Variants in PLXND1 observed in about 807,000 individuals in gnomAD.
The protein encoded by PLXND1 is plexin-D1.
In PLXND1, 54 loss-of-function variants were observed where a neutral mutation model predicts 197.7. The observed-to-expected ratio is 0.27, with a 90% CI of 0.22 to 0.34. The LOEUF is 0.34. Ranked by LOEUF, PLXND1 falls within the 10% of genes least tolerant of loss-of-function variation. The probability of loss-of-function intolerance (pLI) is 1.00; values close to 1 mark genes in which losing one functional copy is unlikely to be tolerated. For synonymous variants in PLXND1, 1,180 were observed against 1,161.2 expected, an observed-to-expected ratio of 1.02 and a Z score of -0.33; for missense variants, 2,127 against 2,699.2, an observed-to-expected ratio of 0.79 and a Z score of 4.70.
intron 20 of PLXND1, 130 bp from the exon 21 acceptor site, chr3:129,567,935 T>G: frequency 1.4e-5 from 3 of 220,436 alleles, no homozygotes; most frequent in Non-Finnish European, 2.7e-5. Context: ...CAGTCCTCCC[T>G]CCTGGGCAGG....
rs1488778468 is a variant in PLXND1, at chr3:129,566,173, A to T, written c.4192-156T>A. On this transcript the variant is annotated intron_variant, in intron 23 of 35. Coordinates refer to ENST00000324093, the MANE Select transcript of PLXND1 (RefSeq NM_015103.3). ...CTCCTAACCTTTGTGACAGGGAACA[A>T]TAGCTTGGTTGAATTGAAAAGTGGG... 1.8e-5 allele frequency: 13 copies of T among 717,934 alleles called. No individual in the cohort carries two copies. The East Asian group carries it at 3.5e-4, about 20-fold the overall frequency. The allele number at this position is 717,934 out of a possible 1,614,324, so 44.5% of individuals were successfully genotyped here.
Position 129,586,671 on chromosome 3 carries a change from C to G in PLXND1, c.1537G>C (p.Val513Leu), listed in dbSNP as rs1362049460. Reference protein sequence around the residue: ...MQVVSRRVVTVAYGEPVHHVM... With the variant: ...MQVVSRRVVTLAYGEPVHHVM... The stretch of plus-strand genomic sequence containing the variant: ...TGGTGCACGGGCTCCCCATAGGCCA[C>G]AGTCACCACCCGCCTGCTCACCACC... The change falls in exon 3 of 36, where the codon GTG (valine) becomes CTG (leucine). Residue 513 changes from valine to leucine, a missense_variant. Val to Leu is a conservative substitution (Grantham distance 32). This residue lies in a region of PLXND1 where 1,095 missense variants were observed against 1,259.8 expected (regional missense o/e 0.87). Coordinates refer to ENST00000324093, the MANE Select transcript of PLXND1 (RefSeq NM_015103.3). 2 of 1,591,232 alleles carry G rather than the reference C, an allele frequency of 1.3e-6. No homozygotes were observed. Among genetic ancestry groups the G allele is most frequent in the Non-Finnish European group, 1.7e-6 (2 of 1,168,382 alleles).
intron 20 of PLXND1, 123 bp downstream of exon 20, chr3:129,569,720 C>T (rs2085194912): frequency 1.5e-6 from 1 of 658,802 alleles, no homozygotes; most frequent in South Asian, 1.7e-5. Context: ...GTTCCCATGG[C>T]CAAGCCTTTG....
At position 129,586,617 on chromosome 3, in the gene PLXND1, C is replaced by T. The variant is rs2301572; in HGVS notation, c.1591G>A (p.Gly531Ser). ...HVMQFDPADS[G>S]YLYLMTSHQM... ...TGGGACGTCATCAGGTAAAGGTAACCGGAGTCTGCTGGGTCAAACTGCATG... is the reference window on the plus strand; with the variant it reads ...TGGGACGTCATCAGGTAAAGGTAACTGGAGTCTGCTGGGTCAAACTGCATG... The change falls in exon 3 of 36, where the codon GGT becomes AGT. Residue 531 changes from glycine to serine, a missense_variant. Physicochemically the swap from Gly to Ser is moderately conservative, Grantham distance 56. Coordinates refer to ENST00000324093, the MANE Select transcript of PLXND1 (RefSeq NM_015103.3). 0.042 allele frequency: 65,334 copies of T among 1,573,692 alleles called. 2,174 individuals carry two copies. Among genetic ancestry groups the T allele is most frequent in the East Asian group, 0.12 (5,240 of 43,404 alleles).
At chr3:129,559,343 G>T in intron 32 of PLXND1, 6 of 353,816 alleles carry the variant, frequency 1.7e-5, no homozygotes, top group South Asian at 1.5e-4. Flanking sequence ...GTGCCCACCT[G>T]AGAGGGGTGC....
chr3:129,558,706 T>C lies in PLXND1; in HGVS notation c.5298-131A>G. 1.1e-6 allele frequency: 1 copy of C among 877,568 alleles called. No homozygotes were observed. The highest frequency in any genetic ancestry group is 1.7e-6 in the Non-Finnish European group (1 of 575,510). 54.4% of individuals were successfully genotyped at this position (877,568 alleles called of 1,614,324 possible). ...TGGAGCCTTGTCACAAGATGTGACC[T>C]TTGGGAACCTTAGTTTGCCTATCCC... On this transcript the variant is annotated intron_variant, in intron 32 of 35. Transcript: ENST00000324093. The surrounding 1 kb of genome is among the most constrained non-coding windows in gnomAD (Gnocchi z 4.1).
At chr3:129,573,289 T>C (rs943646452) in intron 13 of PLXND1, among the ~76,000 whole-genome samples, 1 of 151,992 alleles carries the variant, frequency 6.6e-6, no homozygotes, top group Non-Finnish European at 1.5e-5. Context: ...CCAGCCTTTT[T>C]AATTGCAAAT....
chr3:129,583,129 G>C (rs2085408589), intron 8 of PLXND1, among the ~76,000 whole-genome samples: 1 of 152,234 alleles, frequency 6.6e-6, no homozygotes, highest in South Asian at 2.1e-4. Context: ...TACTGCCTGA[G>C]TCGATGACCT....
chr3:129,604,915 T>C (rs2085761218), intron 1 of PLXND1, among the ~76,000 whole-genome samples: 1 of 152,194 alleles, frequency 6.6e-6, no homozygotes, highest in South Asian at 2.1e-4. Flanking sequence ...CAACGTGCAA[T>C]GGTAACTCTG....
chr3:129,567,700 T>G lies in PLXND1; in HGVS notation c.3971A>C (p.Lys1324Thr). Reference protein sequence around the residue: ...MESQIREEIRKGFAELQTDMT... With the variant: ...MESQIREEIRTGFAELQTDMT... ...CCTGCAGGGTCCCCGCCCACTACCT[T>G]TGCGGATTTCCTCTCGGATCTGAGA... Residue 1324 changes from lysine (K) to threonine (T), a missense_variant and splice_region_variant, in exon 21 of 36, where the codon AAA (lysine) becomes ACA (threonine). Around this residue, in one of 6 missense-constraint regions of PLXND1, gnomAD observed 532 missense variants for 811.0 expected, o/e 0.66. Transcript: ENST00000324093. The G allele has an allele frequency of 1.9e-6, 3 of 1,603,710 alleles. No homozygotes were observed. Among genetic ancestry groups the G allele is most frequent in the Non-Finnish European group, 2.6e-6 (3 of 1,170,604 alleles).
At chr3:129,590,904 G>A (rs932017686) in intron 1 of PLXND1, among the ~76,000 whole-genome samples, 2 of 152,240 alleles carry the variant, frequency 1.3e-5, no homozygotes, top group Non-Finnish European at 2.9e-5. Flanking sequence ...GTCACCGGAA[G>A]GCAGCATTGG....
At chr3:129,561,383 C>T (rs1237602937) in intron 29 of PLXND1, among the ~76,000 whole-genome samples, 1 of 152,216 alleles carries the variant, frequency 6.6e-6, no homozygotes, top group Non-Finnish European at 1.5e-5. Context: ...GGCCTGGCTG[C>T]TGCCCAGACC....
In PLXND1 at chr3:129,556,123, A is replaced by G; in HGVS notation, c.*189T>C. ...CTGATCTGGGGACAGGTGGGAGGGG[A>G]TGGAGGTGCCCAGGGGTCAAGGCGG... On this transcript the variant is annotated 3_prime_UTR_variant, in exon 36 of 36. Coordinates refer to ENST00000324093, the MANE Select transcript of PLXND1 (RefSeq NM_015103.3). 1.7e-6 allele frequency: 1 copy of G among 580,194 alleles called. No individual in the cohort carries two copies. Among genetic ancestry groups the G allele is most frequent in the Non-Finnish European group, 3.1e-6 (1 of 323,242 alleles). The allele number at this position is 580,194 out of a possible 1,614,324, so 35.9% of individuals were successfully genotyped here.
At chr3:129,592,043 C>T (rs892206000) in intron 1 of PLXND1, among the ~76,000 whole-genome samples, 6 of 152,214 alleles carry the variant, frequency 3.9e-5, no homozygotes. Context: ...TCAAATATCA[C>T]AAGCTCGTTC....
intron 23 of PLXND1, 143 bp downstream of exon 23, chr3:129,566,384 G>C: frequency 1.5e-6 from 1 of 654,984 alleles, no homozygotes; most frequent in Non-Finnish European, 2.8e-6. Flanking sequence ...TCCTGGGATG[G>C]AGGGCTCAGT....
chr3:129,560,233 GCCGCGGGTGCACAGCTGGCC>G (rs2085037105), intron 31 of PLXND1, 77 bp downstream of exon 31: 6 of 759,418 alleles, frequency 7.9e-6, no homozygotes. Flanking sequence ...CCCTCTCCCA[GCCGCGGGTGCACAGCTGGCC>G]CTGAGCAATG....
At chr3:129,574,028 A>G (rs916651318) in intron 12 of PLXND1, among the ~76,000 whole-genome samples, 1 of 152,168 alleles carries the variant, frequency 6.6e-6, no homozygotes, top group Non-Finnish European at 1.5e-5. Flanking sequence ...ATGTTTGGCC[A>G]TGTCATTGGT....
At position 129,557,160 on chromosome 3, in the gene PLXND1, G is replaced by C. The variant is rs772619539; in HGVS notation, c.5509C>G (p.Arg1837Gly). 2 of 1,614,054 alleles carry C rather than the reference G, an allele frequency of 1.2e-6. No homozygotes were observed. Among genetic ancestry groups the C allele is most frequent in the Non-Finnish European group, 1.7e-6 (2 of 1,179,974 alleles). The change falls in exon 34 of 36, where the codon CGC (arginine) becomes GGC (glycine). Residue 1837 changes from arginine (R) to glycine (G), a missense_variant. Transcript: ENST00000324093. The surrounding 1 kb of genome is among the most constrained non-coding windows in gnomAD (Gnocchi z 4.8). ...EIPEYRKIVQ[R>G]YYKQIQDMTP... ...ATGTCCTGGATCTGCTTGTAGTAGC[G>C]CTGCACGATCTTCCGGTACTCAGGA...
rs2085272501 is a variant in PLXND1 at position 129,573,835 on chromosome 3, C to T, written c.2686-90G>A. The T allele has an allele frequency of 2.1e-6, 3 of 1,403,614 alleles. No individual in the cohort carries two copies. The African/African-American group carries it at 4.2e-5, about 20-fold the overall frequency. 86.9% of individuals were successfully genotyped at this position (1,403,614 alleles called of 1,614,324 possible). On this transcript the variant is annotated intron_variant, in intron 12 of 35. Coordinates refer to ENST00000324093, the MANE Select transcript of PLXND1 (RefSeq NM_015103.3). ...ACAGTCACAGGCACCCAGCAGGGCA[C>T]AGCCGTGCAGACCCACTGCTTAGAG...
Sources: gnomAD v4.1 joint callset for allele counts (sites outside exome capture counted in the v4.1 genomes callset) on GRCh38, gnomAD v4.1.1 for gene constraint, gnomAD v4.1.1 regional missense constraint, Gnocchi (gnomAD v3.1) non-coding constraint, MANE v1.5 for transcripts, NCBI Gene and HGNC (gene_info 2026-07-23, HGNC 2026-07-21) for gene names.